Variants in ZFHX3 observed in about 807,000 individuals in gnomAD.
ZFHX3 encodes zinc finger homeobox 3, also known as zinc finger homeobox protein 3.
In ZFHX3, 42 loss-of-function variants were observed where a neutral mutation model predicts 279.1. The ratio of observed to expected loss-of-function variants is 0.15; its 90% confidence interval spans 0.12 to 0.19. ZFHX3 has a LOEUF of 0.19. ZFHX3 is among the 10% of genes least tolerant of loss of function. ZFHX3 has a pLI of 1.00. For missense variants in ZFHX3, 4,981 were observed against 4,754.0 expected (o/e 1.05, Z -1.40); for synonymous variants, 2,293 against 1,957.8 (o/e 1.17, Z -4.52).
chr16:73,563,170 TTGTGTGTGTGTGTGTGTGTGTGTGTG>T lies in ZFHX3; in HGVS notation c.-1546-106938_-1546-106913del, dbSNP rs200933190. On this transcript the variant is annotated intron_variant, in intron 2 of 17. Transcript: ENST00000641206. Reference sequence around the variant, plus strand: ...GTCTTTTTTTGTTTTTTTTGTTTTGTTGTGTGTGTGTGTGTGTGTGTGTGTGTGTGTGTGTGTGTGTGTGTGTGTGT... The same window carrying T: ...GTCTTTTTTTGTTTTTTTTGTTTTGTTGTGTGTGTGTGTGTGTGTGTGTGT... Among the ~76,000 whole-genome samples the T allele has an allele frequency of 1.9e-3, 252 of 134,836 alleles. 1 individual carries two copies. The highest frequency in any genetic ancestry group is 0.01 in the East Asian group (42 of 4,064). The allele number at this position is 134,836 out of a possible 152,430, so 88.5% of individuals were successfully genotyped here.
chr16:73,739,065 G>A (rs1401487314), intron 1 of ZFHX3, among the ~76,000 whole-genome samples: 1 of 152,184 alleles, frequency 6.6e-6, no homozygotes, highest in Admixed American at 6.5e-5. Context: ...GAGCGGTCGA[G>A]GCTTCCTGCT....
At chr16:73,231,018 G>A (rs1179604493) in intron 5 of ZFHX3, among the ~76,000 whole-genome samples, 1 of 152,180 alleles carries the variant, frequency 6.6e-6, no homozygotes, top group East Asian at 1.9e-4. Context: ...GAGAAAGGGT[G>A]ATGTGAGCCC....
chr16:73,420,808 A>G (rs1282442101), intron 3 of ZFHX3: 1 of 152,194 alleles, frequency 6.6e-6, no homozygotes, highest in Non-Finnish European at 1.5e-5. Context: ...TTGCACACTC[A>G]TTGACTATCA....
At chr16:73,110,054 C>T (rs1224155845) in intron 7 of ZFHX3, among the ~76,000 whole-genome samples, 1 of 151,866 alleles carries the variant, frequency 6.6e-6, no homozygotes, top group Non-Finnish European at 1.5e-5. Context: ...TCCTGGCTCA[C>T]ATGGTGAAAC....
intron 4 of ZFHX3, among the ~76,000 whole-genome samples, chr16:72,857,768 T>G (rs1010417399): frequency 6.6e-6 from 1 of 152,222 alleles, no homozygotes; most frequent in Admixed American, 6.5e-5. Context: ...AGTTATTTTT[T>G]CCCAACTTCA....
intron 4 of ZFHX3, among the ~76,000 whole-genome samples, chr16:73,271,099 G>A (rs147503974): frequency 6.9e-4 from 105 of 152,252 alleles, no homozygotes; most frequent in African/African-American, 2.4e-3. Context: ...CTGGGGTGTG[G>A]CCCAGGCCCT....
chr16:73,877,124 C>T (rs759708974), intron 1 of ZFHX3, among the ~76,000 whole-genome samples: 5 of 141,642 alleles, frequency 3.5e-5, no homozygotes, highest in Non-Finnish European at 6.0e-5. Flanking sequence ...TTCTACAAAC[C>T]CAAGTGTCAC....
chr16:73,811,391 C>T (rs919023317), intron 1 of ZFHX3, among the ~76,000 whole-genome samples: 8 of 151,314 alleles, frequency 5.3e-5, no homozygotes, highest in African/African-American at 1.7e-4. Flanking sequence ...TAGTGAATGG[C>T]TAATACCCAT....
At chr16:73,198,921 C>A (rs556740809) in intron 5 of ZFHX3, among the ~76,000 whole-genome samples, 1 of 152,328 alleles carries the variant, frequency 6.6e-6, no homozygotes, top group South Asian at 2.1e-4. Flanking sequence ...AAACCATCAA[C>A]ATCAAAAACA....
intron 3 of ZFHX3, among the ~76,000 whole-genome samples, chr16:73,418,458 C>T (rs1597327859): frequency 6.6e-6 from 1 of 152,322 alleles, no homozygotes; most frequent in African/African-American, 2.4e-5. Flanking sequence ...CATCTTTGTT[C>T]AGGCTGTGTT....
At chr16:73,317,667 A>T (rs954983921) in intron 4 of ZFHX3, among the ~76,000 whole-genome samples, 1 of 152,170 alleles carries the variant, frequency 6.6e-6, no homozygotes, top group African/African-American at 2.4e-5. Flanking sequence ...CCTCGTAAGG[A>T]TGCCTGACCC....
intron 1 of ZFHX3, among the ~76,000 whole-genome samples, chr16:73,852,088 A>G (rs796927410): frequency 2.6e-5 from 4 of 152,346 alleles, no homozygotes; most frequent in African/African-American, 9.6e-5. Flanking sequence ...TATAACCTAA[A>G]TACTTTCACA....
At chr16:73,684,968 G>C (rs2053065204) in intron 1 of ZFHX3, among the ~76,000 whole-genome samples, 1 of 151,726 alleles carries the variant, frequency 6.6e-6, no homozygotes, top group South Asian at 2.1e-4. Flanking sequence ...CAAAGTGCTG[G>C]GATTACAGGC....
chr16:73,048,230 G>C (rs1965373608), upstream of ZFHX3: 1 of 152,104 alleles, frequency 6.6e-6, no homozygotes, highest in East Asian at 1.9e-4. Context: ...AAAGCGGAAG[G>C]TTAATTTGAA....
chr16:73,000,590 C>T (rs559505158), intron 1 of ZFHX3, among the ~76,000 whole-genome samples: 66 of 152,184 alleles, frequency 4.3e-4, no homozygotes, highest in Non-Finnish European at 5.9e-5. Flanking sequence ...TTTTCTGTCT[C>T]GACCCGTGGG....
intron 4 of ZFHX3, among the ~76,000 whole-genome samples, chr16:73,308,237 A>T (rs201592163): frequency 2.6e-4 from 2 of 7,716 alleles, no homozygotes; most frequent in East Asian, 1.2e-3. Context: ...ATATATATAT[A>T]TATATATATA....
At chr16:72,965,973 T>A (rs1961817603) in intron 1 of ZFHX3, among the ~76,000 whole-genome samples, 1 of 152,242 alleles carries the variant, frequency 6.6e-6, no homozygotes, top group Non-Finnish European at 1.5e-5. Flanking sequence ...CTTTTTTATC[T>A]TAATAAGGTA....
chr16:73,790,326 T>G (rs981637514), intron 1 of ZFHX3, among the ~76,000 whole-genome samples: 2 of 152,080 alleles, frequency 1.3e-5, no homozygotes, highest in African/African-American at 2.4e-5. Flanking sequence ...CTAGATACAG[T>G]TGTCTATTAA....
intron 2 of ZFHX3, among the ~76,000 whole-genome samples, chr16:73,627,750 C>G (rs1597035321): frequency 1.3e-5 from 2 of 152,096 alleles, no homozygotes; most frequent in African/African-American, 4.8e-5. Flanking sequence ...AACCCTGTCT[C>G]TACTAAAAAA....
Sources: gnomAD v4.1 joint callset for allele counts (sites outside exome capture counted in the v4.1 genomes callset) on GRCh38, gnomAD v4.1.1 for gene constraint, MANE v1.5 for transcripts, NCBI Gene and HGNC (gene_info 2026-07-23, HGNC 2026-07-21) for gene names.